The following USP9X variants were observed in gnomAD, a reference collection of about 807,000 sequenced individuals.
USP9X encodes the protein ubiquitin carboxyl-terminal hydrolase 9X.
A neutral mutation model predicts 190.3 loss-of-function variants in USP9X; 7 were observed. The ratio of observed to expected loss-of-function variants is 0.04; its 90% CI spans 0.02 to 0.07. The LOEUF (loss-of-function observed/expected upper bound fraction) is 0.07, where lower values mean the gene tolerates loss of function less well. Ranked by LOEUF, USP9X falls within the 10% of genes least tolerant of loss-of-function variation. The pLI, the probability that USP9X is intolerant of heterozygous loss-of-function variation, is 1.00. For synonymous variants in USP9X, 645 were observed against 659.5 expected (o/e 0.98, Z 0.34); for missense variants, 1,010 against 1,916.9 (o/e 0.53, Z 8.83).
At chrX:41,181,971 A>G (rs1030427767) in intron 21 of USP9X, among the ~76,000 whole-genome samples, 1 of 112,017 alleles carries the variant, frequency 8.9e-6, no homozygotes, top group African/African-American at 3.2e-5. Context: ...AAAATGTAAC[A>G]TGATATAATC....
chrX:41,110,062 A>T (rs1362211210), intron 1 of USP9X, among the ~76,000 whole-genome samples: 1 of 110,844 alleles, frequency 9.0e-6, no homozygotes, highest in Admixed American at 9.5e-5. Flanking sequence ...AGATCCCCAG[A>T]CTTCTCAGCC....
chrX:41,099,214 G>A (rs756311778), intron 1 of USP9X, among the ~76,000 whole-genome samples: 9 of 105,217 alleles, frequency 8.6e-5, no homozygotes, highest in Non-Finnish European at 1.7e-4. Flanking sequence ...AGAGTGCTGG[G>A]ATTACAGGTG....
At chrX:41,109,548 T>G (rs184644282) in intron 1 of USP9X, among the ~76,000 whole-genome samples, 141 of 112,388 alleles carry the variant, frequency 1.3e-3, no homozygotes, top group African/African-American at 4.4e-3. Context: ...TTGCAGTGAC[T>G]TATAGGAAGT....
At chrX:41,201,004 A>G in intron 30 of USP9X, 56 bp from the exon 31 acceptor site, 4 of 1,134,953 alleles carry the variant, frequency 3.5e-6, no homozygotes, top group Non-Finnish European at 4.8e-6. Flanking sequence ...AGCATAATAG[A>G]GTTTGAAAGG....
chrX:41,153,660 G>A (rs1053034159), intron 14 of USP9X, among the ~76,000 whole-genome samples: 5 of 112,132 alleles, frequency 4.5e-5, no homozygotes, highest in African/African-American at 1.6e-4. Context: ...GGAGCCCTGT[G>A]TCAGTGCTCT....
chrX:41,101,098 C>T (rs777574683), intron 1 of USP9X, among the ~76,000 whole-genome samples: 52 of 111,464 alleles, frequency 4.7e-4, no homozygotes, highest in Non-Finnish European at 7.7e-4. Context: ...TAAATATTTT[C>T]GTCTTTTATA....
At chrX:41,207,346 A>G (rs1026092386) in intron 32 of USP9X, among the ~76,000 whole-genome samples, 4 of 110,609 alleles carry the variant, frequency 3.6e-5, no homozygotes, top group Admixed American at 9.6e-5. Flanking sequence ...CGGCCTCCCA[A>G]AGTGCTGGGA....
intron 26 of USP9X, among the ~76,000 whole-genome samples, chrX:41,195,278 G>A (rs1046970085): frequency 6.3e-5 from 7 of 110,746 alleles, no homozygotes; most frequent in Admixed American, 2.9e-4. Context: ...CTCCTGATCC[G>A]TCCGCCTCAC....
chrX:41,224,305 G>A (rs2063292918), intron 39 of USP9X, among the ~76,000 whole-genome samples: 1 of 110,952 alleles, frequency 9.0e-6, no homozygotes, highest in Admixed American at 9.6e-5. Flanking sequence ...TCTTCGTTGT[G>A]CTTAGGTAAC....
chrX:41,136,548 C>T (rs1474175793), intron 5 of USP9X, among the ~76,000 whole-genome samples: 4 of 112,043 alleles, frequency 3.6e-5, no homozygotes, highest in Non-Finnish European at 5.6e-5. Flanking sequence ...TACCTGTGGA[C>T]GTAGAGCAGG....
Position 41,170,133 on chromosome X carries a change from C to T in USP9X, c.2775C>T (p.Ala925=). The part of the protein sequence containing the change: ...VRRCILNRIK[A]NVAHTKIELF... ...GATGTATTCTCAATCGTATTAAAGC[C>T]AACGTAGCCCATACAAAAATTGAGC... is the stretch of plus-strand genomic sequence containing the variant. Residue 925 remains alanine (A), a synonymous_variant, in exon 19 of 45, where the codon GCC becomes GCT. Coordinates refer to ENST00000378308, the MANE Select transcript of USP9X (RefSeq NM_001039591.3). 8.3e-7 allele frequency: 1 copy of T among 1,211,516 alleles called. No homozygotes were observed.
At chrX:41,187,964 A>T (rs763739458) in intron 24 of USP9X, 28 bp from the exon 25 acceptor site, 1 of 1,190,317 alleles carries the variant, frequency 8.4e-7, no homozygotes, top group Non-Finnish European at 1.1e-6. Flanking sequence ...CATTCTATCA[A>T]CAGTTCTATT....
chrX:41,227,360 G>A (rs951995816), intron 41 of USP9X, among the ~76,000 whole-genome samples: 1 of 111,565 alleles, frequency 9.0e-6, no homozygotes, highest in Non-Finnish European at 1.9e-5. Context: ...AAAACTGAAG[G>A]TAAAAGCAAT....
intron 1 of USP9X, among the ~76,000 whole-genome samples, chrX:41,123,085 G>A (rs1276567521): frequency 9.0e-6 from 1 of 111,662 alleles, no homozygotes; most frequent in Non-Finnish European, 1.9e-5. Context: ...TGCAGGTCCA[G>A]GCTTGAGCCC....
chrX:41,090,716 A>G (rs2061949679), intron 1 of USP9X, among the ~76,000 whole-genome samples: 1 of 111,265 alleles, frequency 9.0e-6, no homozygotes, highest in Non-Finnish European at 1.9e-5. Flanking sequence ...GACCCTTTGC[A>G]TGTCATGTGT....
intron 2 of USP9X, among the ~76,000 whole-genome samples, chrX:41,124,445 GA>G (rs746202424): frequency 1.8e-5 from 2 of 110,371 alleles, no homozygotes; most frequent in Admixed American, 9.6e-5. Flanking sequence ...CTCCATCTCC[GA>G]AAAAAAAGAA....
chrX:41,087,641 A>G (rs1412852476), intron 1 of USP9X, among the ~76,000 whole-genome samples: 2 of 112,543 alleles, frequency 1.8e-5, no homozygotes, highest in African/African-American at 6.5e-5. Context: ...GAAAGCTTGA[A>G]GTATTTGGAA....
chrX:41,127,466 TA>T (rs1476039842), intron 2 of USP9X, among the ~76,000 whole-genome samples: 1 of 112,379 alleles, frequency 8.9e-6, no homozygotes, highest in African/African-American at 3.2e-5. Flanking sequence ...TTTTATTTTT[TA>T]TATTTTCTAT....
chrX:41,230,414 T>G, intron 43 of USP9X, 87 bp from the exon 44 acceptor site: 1 of 931,533 alleles, frequency 1.1e-6, no homozygotes, highest in Non-Finnish European at 1.5e-6. Context: ...GTTTTGTAGA[T>G]TTTTAAAATT....
Sources: allele counts gnomAD v4.1 joint callset (sites outside exome capture counted in the v4.1 genomes callset), GRCh38; gene constraint gnomAD v4.1.1; transcripts MANE v1.5; gene names NCBI Gene and HGNC (gene_info 2026-07-23, HGNC 2026-07-21).